ADCK5: variants seen among roughly 807,000 people sequenced by gnomAD.
ADCK5 encodes the protein uncharacterized aarF domain-containing protein kinase 5.
A neutral mutation model predicts 64.9 loss-of-function variants in ADCK5; 43 were observed. The observed-to-expected ratio is 0.66, with a 90% CI of 0.52 to 0.85. The LOEUF is 0.85. Ranked by LOEUF, ADCK5 falls within the 40% of genes least tolerant of loss-of-function variation. The pLI is 0.00. For missense variants in ADCK5, 760 were observed against 810.5 expected (o/e 0.94, Z 0.76); for synonymous variants, 434 against 342.8 (o/e 1.27, Z -2.94).
intron 3 of ADCK5, among the ~76,000 whole-genome samples, chr8:144,390,405 T>G (rs1554860129): frequency 2.0e-5 from 3 of 152,140 alleles, no homozygotes; most frequent in African/African-American, 7.2e-5. Context: ...ATGGGATAAT[T>G]GACATGAGCC....
intron 3 of ADCK5, among the ~76,000 whole-genome samples, 155 bp from the exon 4 acceptor site, chr8:144,390,516 C>T (rs1465940722): frequency 2.6e-5 from 4 of 152,178 alleles, no homozygotes; most frequent in African/African-American, 9.7e-5. Context: ...TCACACAGGC[C>T]TACGCGGCTG....
At chr8:144,390,526 G>A (rs782691778) in intron 3 of ADCK5, 145 bp from the exon 4 acceptor site, 4 of 855,660 alleles carry the variant, frequency 4.7e-6, no homozygotes, top group Non-Finnish European at 5.6e-6. Context: ...CTACGCGGCT[G>A]TAGGCTGGAC....
At chr8:144,373,990 G>A (rs530552169), upstream of ADCK5, 1 of 1,191,032 alleles carries the variant, frequency 8.4e-7, no homozygotes, top group African/African-American at 1.6e-5. Context: ...CACGGGGCGG[G>A]GCTCTGGCTC....
rs1564675762 is a variant in ADCK5, at chr8:144,390,851, G to A, written c.343-5G>A. The A allele has an allele frequency of 2.5e-6, 4 of 1,612,602 alleles. No individual in the cohort carries two copies. Among genetic ancestry groups the A allele is most frequent in the Non-Finnish European group, 3.4e-6 (4 of 1,179,550 alleles). ...CCCATGTGTTCTCCCCATGCCTGTG[G>A]TCAGAACAGCCCAGGCTACTTGGAG... On this transcript the variant is annotated splice_polypyrimidine_tract_variant and splice_region_variant and intron_variant, in intron 4 of 14. Transcript: ENST00000308860.
At chr8:144,388,583 T>A (rs1316692548) in intron 3 of ADCK5, among the ~76,000 whole-genome samples, 1 of 151,368 alleles carries the variant, frequency 6.6e-6, no homozygotes, top group East Asian at 2.0e-4. Context: ...GCCAACACGG[T>A]GAAACCCCAT....
Position 144,383,246 on chromosome 8 carries a change from G to A in ADCK5, c.266+16G>A, listed in dbSNP as rs373468984. 113 of 1,554,134 alleles carry A rather than the reference G, an allele frequency of 7.3e-5. 1 individual carries two copies. Among genetic ancestry groups the A allele is most frequent in the Middle Eastern group, 2.0e-4 (1 of 5,062 alleles). ...GCTTTGGCAGGTAGGAGGGCCTGGC[G>A]GCAGGCAGGGGTTGCGGCGTGGCGG... On this transcript the variant is annotated intron_variant, in intron 3 of 14. Coordinates refer to ENST00000308860, the MANE Select transcript of ADCK5 (RefSeq NM_174922.5).
chr8:144,386,255 G>A (rs1309386420), intron 3 of ADCK5, among the ~76,000 whole-genome samples: 6 of 151,878 alleles, frequency 4.0e-5, no homozygotes, highest in Non-Finnish European at 7.4e-5. Flanking sequence ...CAGGTGATCC[G>A]TTTGCCTCAG....
In ADCK5 at chr8:144,392,268, T is replaced by A. The variant is rs1554861109; in HGVS notation, c.1190T>A (p.Leu397His). ...TCCACACCCAGGGACCGCGCAGCCC[T>A]CTGCCAGCTGTGGCGGGCCATCATC... ...QFLEEKDRAA[L>H]CQLWRAIILR... Residue 397 changes from leucine (L) to histidine (H), a missense_variant, in exon 12 of 15, where the codon CTC (leucine) becomes CAC (histidine). Physicochemically the swap from Leu to His is moderately conservative, Grantham distance 99. Transcript: ENST00000308860. The A allele has an allele frequency of 3.9e-6, 6 of 1,527,148 alleles. No individual in the cohort carries two copies. Among genetic ancestry groups the A allele is most frequent in the Non-Finnish European group, 8.8e-7 (1 of 1,140,142 alleles). 94.6% of individuals were successfully genotyped at this position (1,527,148 alleles called of 1,614,324 possible).
In ADCK5 at chr8:144,383,124, G is replaced by A. The variant is rs1222242540; in HGVS notation, c.160G>A (p.Ala54Thr). 2.3e-5 allele frequency: 37 copies of A among 1,587,308 alleles called. No individual in the cohort carries two copies. The highest frequency in any genetic ancestry group is 2.7e-5 in the Non-Finnish European group (31 of 1,167,104). The change falls in exon 3 of 15, where the codon GCG (alanine) becomes ACG (threonine). Residue 54 changes from alanine (A) to threonine (T), a missense_variant. This residue lies in a region of ADCK5 where 427 missense variants were observed against 518.4 expected (regional missense o/e 0.82). Coordinates refer to ENST00000308860, the MANE Select transcript of ADCK5 (RefSeq NM_174922.5). ...TPLWRKVLST[A>T]VVGAPLLLGA... is the part of the protein sequence containing the mutation. ...CCTGTGGAGGAAGGTGCTCTCCACC[G>A]CGGTAGTGGGGGCGCCCCTGCTCCT...
chr8:144,382,268 C>T (rs1175441719), intron 2 of ADCK5, among the ~76,000 whole-genome samples: 36 of 129,360 alleles, frequency 2.8e-4, no homozygotes, highest in Middle Eastern at 0.01. Flanking sequence ...AGGCACCTGC[C>T]GCACTCAGGA....
At chr8:144,381,885 C>T (rs1432899022) in intron 2 of ADCK5, among the ~76,000 whole-genome samples, 13 of 143,478 alleles carry the variant, frequency 9.1e-5, no homozygotes, top group Non-Finnish European at 1.5e-5. Context: ...TGCTCAGGCC[C>T]CTGCCGCACT....
At chr8:144,387,944 C>G (rs1038584713) in intron 3 of ADCK5, among the ~76,000 whole-genome samples, 16 of 151,498 alleles carry the variant, frequency 1.1e-4, no homozygotes, top group Admixed American at 3.3e-4. Flanking sequence ...GTTGGTCAGA[C>G]TGGTCTTGAA....
intron 3 of ADCK5, among the ~76,000 whole-genome samples, chr8:144,388,887 G>A (rs1820069477): frequency 1.3e-5 from 2 of 152,256 alleles, no homozygotes; most frequent in South Asian, 4.1e-4. Context: ...GGGACACAGA[G>A]TCCACCTGAG....
chr8:144,375,104 C>G (rs1223351455), intron 1 of ADCK5, among the ~76,000 whole-genome samples: 1 of 152,240 alleles, frequency 6.6e-6, no homozygotes, highest in Non-Finnish European at 1.5e-5. Flanking sequence ...CTTCATGGGC[C>G]GGGGAGGTGG....
intron 3 of ADCK5, among the ~76,000 whole-genome samples, chr8:144,387,696 C>T (rs1554859509): frequency 4.0e-5 from 6 of 151,762 alleles, no homozygotes; most frequent in Admixed American, 1.3e-4. Flanking sequence ...TGAGCCACTG[C>T]GCCTGGCCTC....
rs782698053 is a variant in ADCK5, at chr8:144,391,566, C to T, written c.799-14C>T. The T allele has an allele frequency of 6.3e-7, 1 of 1,582,340 alleles. No individual in the cohort carries two copies. ...GTAGGCAGAGCTGGTCTTCAACCGC[C>T]ATCTGGCCCCCAGGACCTGAAGGGG... On this transcript the variant is annotated splice_polypyrimidine_tract_variant and intron_variant, in intron 7 of 14. Transcript: ENST00000308860.
At chr8:144,388,285 A>T (rs1454846586) in intron 3 of ADCK5, among the ~76,000 whole-genome samples, 2 of 149,214 alleles carry the variant, frequency 1.3e-5, no homozygotes, top group Middle Eastern at 3.3e-3. Flanking sequence ...TGAACCTGGG[A>T]GGCGGAGGTT....
chr8:144,386,358 ATTTT>A (rs1454448019), intron 3 of ADCK5, among the ~76,000 whole-genome samples: 2 of 144,860 alleles, frequency 1.4e-5, no homozygotes, highest in South Asian at 4.4e-4. Context: ...TATTTAACTT[ATTTT>A]TTTTTATTTT....
intron 3 of ADCK5, among the ~76,000 whole-genome samples, chr8:144,388,546 C>T (rs903308409): frequency 2.0e-5 from 3 of 151,950 alleles, no homozygotes; most frequent in East Asian, 3.9e-4. Flanking sequence ...GGGCGGATCA[C>T]GAGGTCGGGA....
Sources: allele counts gnomAD v4.1 joint callset (sites outside exome capture counted in the v4.1 genomes callset), GRCh38; gene constraint gnomAD v4.1.1; regional missense constraint gnomAD v4.1.1; transcripts MANE v1.5; gene names NCBI Gene and HGNC (gene_info 2026-07-23, HGNC 2026-07-21).